KIF9: variants seen among roughly 807,000 people sequenced by gnomAD.
The protein encoded by KIF9 is kinesin-like protein KIF9.
In KIF9, 68 loss-of-function variants were observed where a neutral mutation model predicts 94.8. The ratio of observed to expected loss-of-function variants is 0.72; its 90% confidence interval spans 0.59 to 0.88. KIF9 has a LOEUF of 0.88. Among genes scored for constraint, KIF9 ranks in the 40% least tolerant of loss-of-function variants. KIF9 has a pLI of 0.00. For missense variants in KIF9, 882 were observed against 982.5 expected (o/e 0.90, Z 1.37); for synonymous variants, 343 against 362.1 (o/e 0.95, Z 0.60).
At chr3:47,232,251 CAG>C (rs545212209) in intron 20 of KIF9, among the ~76,000 whole-genome samples, 1 of 152,134 alleles carries the variant, frequency 6.6e-6, no homozygotes, top group Non-Finnish European at 1.5e-5. Context: ...TGCCAGCTTC[CAG>C]AACTGTGAGC....
chr3:47,269,765 C>T (rs1265709151), intron 5 of KIF9, among the ~76,000 whole-genome samples: 6 of 129,516 alleles, frequency 4.6e-5, no homozygotes, highest in South Asian at 2.5e-4. Flanking sequence ...CCACTCCCAG[C>T]TAATTTTTTT....
At chr3:47,254,665 G>A (rs1165109549) in intron 10 of KIF9, among the ~76,000 whole-genome samples, 2 of 152,090 alleles carry the variant, frequency 1.3e-5, no homozygotes, top group Non-Finnish European at 2.9e-5. Flanking sequence ...AGCTAATGGA[G>A]GAAAGAGCAG....
rs567009536 is a variant in KIF9 at position 47,271,327 on chromosome 3, G to A, written c.501C>T (p.Thr167=). The A allele has an allele frequency of 5.0e-6, 8 of 1,613,832 alleles. No homozygotes were observed. Among genetic ancestry groups the A allele is most frequent in the Non-Finnish European group, 5.9e-6 (7 of 1,179,978 alleles). The change falls in exon 5 of 21, where the codon ACC becomes ACT. Residue 167 remains threonine, a synonymous_variant. Coordinates refer to ENST00000684063, the MANE Select transcript of KIF9 (RefSeq NM_182902.4). ...AGACTCCTTGAGGGTTTTCCACGAT[G>A]GTCATTGGTGTGACTGAGGGTCCAA... The part of the protein sequence containing the change: ...PYVGPSVTPM[T]IVENPQGVFI...
chr3:47,238,082 T>G (rs1018203989), intron 17 of KIF9, among the ~76,000 whole-genome samples: 2 of 152,198 alleles, frequency 1.3e-5, no homozygotes, highest in African/African-American at 4.8e-5. Flanking sequence ...CATTTTTACA[T>G]TTTTCTTTTT....
intron 12 of KIF9, 94 bp from the exon 13 acceptor site, chr3:47,246,346 T>C (rs375844854): frequency 5.5e-5 from 54 of 983,728 alleles, no homozygotes; most frequent in Non-Finnish European, 7.4e-5. Context: ...ACCCCTTGGC[T>C]GACCCCTGGA....
intron 17 of KIF9, among the ~76,000 whole-genome samples, chr3:47,237,097 C>CT (rs369589715): frequency 1.3e-5 from 2 of 151,386 alleles, no homozygotes; most frequent in African/African-American, 4.9e-5. Flanking sequence ...CAGCTACTTT[C>CT]TTTTTTTTTC....
intron 20 of KIF9, among the ~76,000 whole-genome samples, chr3:47,233,656 A>C (rs1048784434): frequency 6.6e-6 from 1 of 151,834 alleles, no homozygotes; most frequent in Non-Finnish European, 1.5e-5. Context: ...TGATCATGCC[A>C]CTGCACTCTA....
intron 9 of KIF9, among the ~76,000 whole-genome samples, chr3:47,261,249 G>A (rs993169603): frequency 6.6e-6 from 1 of 152,188 alleles, no homozygotes. Context: ...GAGACCACTA[G>A]GAAAGATAAA....
At chr3:47,259,201 ACT>A (rs1311591913) in intron 9 of KIF9, among the ~76,000 whole-genome samples, 1 of 151,994 alleles carries the variant, frequency 6.6e-6, no homozygotes, top group East Asian at 1.9e-4. Flanking sequence ...TGAAGCCTGG[ACT>A]CTGCCCACCA....
intron 20 of KIF9, among the ~76,000 whole-genome samples, chr3:47,231,404 CTTTTTT>C (rs34079988): frequency 8.8e-5 from 7 of 79,786 alleles, no homozygotes; most frequent in East Asian, 8.3e-4. Context: ...TCAGTATCTA[CTTTTTT>C]TTTTTTTTTT....
intron 10 of KIF9, 23 bp downstream of exon 10, chr3:47,257,460 C>T (rs1310058917): frequency 3.1e-6 from 5 of 1,606,866 alleles, no homozygotes; most frequent in Non-Finnish European, 4.3e-6. Flanking sequence ...CAGTGGGACA[C>T]CTGTCCACAA....
intron 20 of KIF9, 75 bp from the exon 21 acceptor site, chr3:47,228,777 C>A: frequency 1.8e-6 from 2 of 1,122,334 alleles, no homozygotes; most frequent in Non-Finnish European, 1.4e-6. Flanking sequence ...CCAGGCCACT[C>A]ACATTCACCC....
intron 1 of KIF9, among the ~76,000 whole-genome samples, chr3:47,277,993 A>AGTGTGTGTGTGT (rs147140971): frequency 1.3e-4 from 20 of 150,210 alleles, no homozygotes; most frequent in African/African-American, 4.1e-4. Flanking sequence ...ATTTTCTTTC[A>AGTGTGTGTGTGT]GTGTGTGTGT....
chr3:47,268,703 C>T (rs1382758132), intron 5 of KIF9, among the ~76,000 whole-genome samples: 1 of 151,926 alleles, frequency 6.6e-6, no homozygotes, highest in African/African-American at 2.4e-5. Context: ...CTACCTCAGC[C>T]TCCCAGGTAG....
At chr3:47,240,399 A>G (rs1699380524) in intron 17 of KIF9, among the ~76,000 whole-genome samples, 1 of 152,172 alleles carries the variant, frequency 6.6e-6, no homozygotes, top group Non-Finnish European at 1.5e-5. Flanking sequence ...CCCTACCAGC[A>G]GCCCCACCTC....
chr3:47,244,495 T>G, intron 15 of KIF9: 1 of 312,060 alleles, frequency 3.2e-6, no homozygotes, highest in Non-Finnish European at 6.0e-6. Flanking sequence ...TACTCATTGG[T>G]GGTATGGCCT....
In KIF9 at chr3:47,277,334, T is replaced by TA; in HGVS notation, c.40_41insT (p.Lys14IlefsTer5). ...TTCATGAGCAAAGTCATCGGTGGGT[T>TA]TGACACGGACAAATGCATGAACTTT... On this transcript the variant is annotated frameshift_variant, in exon 2 of 21. Transcript: ENST00000684063. LOFTEE classifies it high-confidence loss of function. 6.2e-7 allele frequency: 1 copy of TA among 1,614,144 alleles called. No individual in the cohort carries two copies.
chr3:47,247,342 T>G, intron 12 of KIF9, 31 bp downstream of exon 12: 56 of 1,497,842 alleles, frequency 3.7e-5, no homozygotes, highest in Non-Finnish European at 5.1e-5. Flanking sequence ...CCAGGCTGGC[T>G]GAGCATAGTG....
At chr3:47,275,603 G>T in intron 2 of KIF9, 113 bp from the exon 3 acceptor site, 1 of 747,224 alleles carries the variant, frequency 1.3e-6, no homozygotes, top group Non-Finnish European at 2.2e-6. Context: ...TGAACTGTAG[G>T]ATGAATGGGG....
Sources: gnomAD v4.1 joint callset for allele counts (sites outside exome capture counted in the v4.1 genomes callset) on GRCh38, gnomAD v4.1.1 for gene constraint, MANE v1.5 for transcripts, NCBI Gene and HGNC (gene_info 2026-07-23, HGNC 2026-07-21) for gene names.